PDCD6IP: variants seen among roughly 807,000 people sequenced by gnomAD.
PDCD6IP encodes the protein programmed cell death 6-interacting protein.
Under a neutral mutation model 103.7 loss-of-function variants are expected in PDCD6IP, and 43 were observed. That is an observed-to-expected ratio of 0.41 (90% CI 0.32 to 0.53). PDCD6IP has a LOEUF of 0.53. Among genes scored for constraint, PDCD6IP ranks in the 20% least tolerant of loss-of-function variants. PDCD6IP has a pLI of 0.16. For missense variants in PDCD6IP, 871 were observed against 1,036.7 expected (o/e 0.84, Z 2.20); for synonymous variants, 354 against 378.7 (o/e 0.93, Z 0.76).
intron 15 of PDCD6IP, among the ~76,000 whole-genome samples, chr3:33,858,358 C>T (rs1397288152): frequency 2.6e-5 from 4 of 152,118 alleles, no homozygotes; most frequent in African/African-American, 9.7e-5. Context: ...TGATGGCATG[C>T]ACTTCTAGTC....
At chr3:33,815,469 C>A (rs539278536) in intron 3 of PDCD6IP, among the ~76,000 whole-genome samples, 1 of 152,048 alleles carries the variant, frequency 6.6e-6, no homozygotes, top group Admixed American at 6.6e-5. Context: ...AGAAAGATTA[C>A]GTGATTTTCT....
rs775532873 is a variant in PDCD6IP at position 33,836,238 on chromosome 3, C to T, written c.1029C>T (p.Val343=). 3.1e-6 allele frequency: 5 copies of T among 1,608,692 alleles called. No homozygotes were observed. The African/African-American group carries it at 6.7e-5, about 22-fold the overall frequency. Residue 343 remains valine (V), a synonymous_variant, in exon 8 of 18, where the codon GTC becomes GTT. Coordinates refer to ENST00000307296, the MANE Select transcript of PDCD6IP (RefSeq NM_013374.6). ...CCACACTTGTGAAATCTACCCCGGT[C>T]AATGTACCCATCAGTCAGAAATTTA... ...GKATLVKSTP[V]NVPISQKFTD... is the part of the protein sequence containing the mutation.
chr3:33,813,007 CAG>C (rs560732860), intron 2 of PDCD6IP, among the ~76,000 whole-genome samples: 1 of 151,930 alleles, frequency 6.6e-6, no homozygotes, highest in Non-Finnish European at 1.5e-5. Flanking sequence ...ATTTCAGGAG[CAG>C]AGAGAGAGTT....
At chr3:33,824,569 A>G (rs1328717675) in intron 4 of PDCD6IP, among the ~76,000 whole-genome samples, 1 of 152,142 alleles carries the variant, frequency 6.6e-6, no homozygotes, top group Non-Finnish European at 1.5e-5. Context: ...AACTCATGAC[A>G]CCTTTTAATC....
chr3:33,820,997 A>G (rs1443917315), intron 3 of PDCD6IP, among the ~76,000 whole-genome samples: 1 of 152,048 alleles, frequency 6.6e-6, no homozygotes, highest in East Asian at 1.9e-4. Flanking sequence ...CAGCAGTTGT[A>G]CTTTTTCTAA....
At chr3:33,854,863 G>A (rs960342056) in intron 14 of PDCD6IP, 5 of 181,934 alleles carry the variant, frequency 2.7e-5, no homozygotes, top group Non-Finnish European at 5.7e-5. Context: ...TAGGTTTAAT[G>A]TTATTAAACA....
intron 1 of PDCD6IP, among the ~76,000 whole-genome samples, chr3:33,802,597 C>T (rs1033567534): frequency 1.3e-4 from 20 of 151,448 alleles, no homozygotes; most frequent in African/African-American, 4.6e-4. Context: ...TCAAACGATT[C>T]TCCTGCCTCA....
intron 5 of PDCD6IP, among the ~76,000 whole-genome samples, chr3:33,825,762 A>G (rs898317666): frequency 6.6e-6 from 1 of 152,204 alleles, no homozygotes; most frequent in African/African-American, 2.4e-5. Context: ...AATTTCATAA[A>G]TAATTGCTAT....
At chr3:33,861,052 T>C (rs1266770352) in intron 15 of PDCD6IP, among the ~76,000 whole-genome samples, 1 of 151,776 alleles carries the variant, frequency 6.6e-6, no homozygotes, top group Non-Finnish European at 1.5e-5. Flanking sequence ...TAACCCAGTA[T>C]GTCCAAAGTA....
At position 33,845,396 on chromosome 3, in the gene PDCD6IP, T is replaced by C. The variant is rs1430660919; in HGVS notation, c.1472-23T>C. 4.4e-6 allele frequency: 7 copies of C among 1,599,914 alleles called. No individual in the cohort carries two copies. The African/African-American group carries it at 9.4e-5, about 21-fold the overall frequency. ...TGCTGTTAGAATCACTTCTGTGCTCTGCAAACTTTTATTTTCTCCCAGAGG... is the reference window on the plus strand; with the variant it reads ...TGCTGTTAGAATCACTTCTGTGCTCCGCAAACTTTTATTTTCTCCCAGAGG... On this transcript the variant is annotated intron_variant, in intron 11 of 17. Coordinates refer to ENST00000307296, the MANE Select transcript of PDCD6IP (RefSeq NM_013374.6).
At chr3:33,835,181 C>T (rs1024922839) in intron 7 of PDCD6IP, 13 of 454,366 alleles carry the variant, frequency 2.9e-5, no homozygotes, top group African/African-American at 2.6e-4. Flanking sequence ...TTTATAAGGC[C>T]AAACTTAAAA....
intron 1 of PDCD6IP, among the ~76,000 whole-genome samples, chr3:33,803,527 T>TTTTGG (rs925050900): frequency 2.6e-5 from 4 of 152,214 alleles, no homozygotes; most frequent in Non-Finnish European, 4.4e-5. Flanking sequence ...TCTGGATATT[T>TTTTGG]ATACTTTTTT....
intron 1 of PDCD6IP, among the ~76,000 whole-genome samples, chr3:33,804,710 A>C (rs9875555): frequency 0.29 from 44,205 of 152,104 alleles, 6,654 homozygotes; most frequent in East Asian, 0.41. Flanking sequence ...TAAGCCCACA[A>C]AGCTATCTTT....
chr3:33,827,806 G>C (rs780815762), intron 6 of PDCD6IP: 1 of 152,152 alleles, frequency 6.6e-6, no homozygotes, highest in South Asian at 2.1e-4. Context: ...ACTGGCATGA[G>C]TGTAGTTTGA....
chr3:33,822,632 A>G (rs896227980), intron 4 of PDCD6IP, among the ~76,000 whole-genome samples: 1 of 152,002 alleles, frequency 6.6e-6, no homozygotes, highest in Non-Finnish European at 1.5e-5. Flanking sequence ...ATGGCATGTT[A>G]TTTTGTGGCA....
At chr3:33,799,218 G>T (rs1293829871) in intron 1 of PDCD6IP, 1 of 397,096 alleles carries the variant, frequency 2.5e-6, no homozygotes, top group East Asian at 3.6e-5. Flanking sequence ...GCCCTGTACT[G>T]ATCTCTTTTG....
At chr3:33,836,692 C>CAA (rs199714705) in intron 8 of PDCD6IP, among the ~76,000 whole-genome samples, 5 of 125,390 alleles carry the variant, frequency 4.0e-5, no homozygotes, top group African/African-American at 1.4e-4. Context: ...CTGTCTCTAC[C>CAA]AAAAAAAAAA....
chr3:33,828,331 C>T (rs1363175744), intron 6 of PDCD6IP: 1 of 152,144 alleles, frequency 6.6e-6, no homozygotes, highest in Non-Finnish European at 1.5e-5. Context: ...TAAGAACTCT[C>T]TTAGGATATG....
At chr3:33,849,229 G>T (rs1304510523) in intron 12 of PDCD6IP, among the ~76,000 whole-genome samples, 3 of 152,170 alleles carry the variant, frequency 2.0e-5, no homozygotes, top group Non-Finnish European at 2.9e-5. Context: ...AGCCAGAGTG[G>T]CGTTTTTTTC....
Sources: allele counts gnomAD v4.1 joint callset (sites outside exome capture counted in the v4.1 genomes callset), GRCh38; gene constraint gnomAD v4.1.1; transcripts MANE v1.5; gene names NCBI Gene and HGNC (gene_info 2026-07-23, HGNC 2026-07-21).